DAB1: variants seen among roughly 807,000 people sequenced by gnomAD.
The protein encoded by DAB1 is DAB adaptor protein 1, also known as disabled homolog 1.
DAB1 carries 15 observed loss-of-function variants against 64.6 expected under a neutral mutation model. The observed-to-expected ratio is 0.23, with a 90% CI of 0.16 to 0.36. DAB1 has a LOEUF of 0.36. DAB1 is among the 10% of genes least tolerant of loss of function. The pLI, the probability that DAB1 is intolerant of heterozygous loss-of-function variation, is 1.00. For missense variants in DAB1, 596 were observed against 706.7 expected (o/e 0.84, Z 1.78); for synonymous variants, 235 against 251.9 (o/e 0.93, Z 0.64).
At chr1:57,084,373 C>T (rs536869063) in intron 4 of DAB1, among the ~76,000 whole-genome samples, 4 of 152,266 alleles carry the variant, frequency 2.6e-5, no homozygotes, top group Non-Finnish European at 5.9e-5. Flanking sequence ...GCACAGCCCT[C>T]AGAAAGAACA....
intron 5 of DAB1, among the ~76,000 whole-genome samples, chr1:58,025,681 ATATATG>A (rs1276519094): frequency 3.9e-4 from 54 of 140,152 alleles, no homozygotes; most frequent in African/African-American, 1.4e-3. Flanking sequence ...ATATATATAT[ATATATG>A]GCCTTTAATC....
chr1:57,666,698 T>A (rs1317576754), intron 6 of DAB1, among the ~76,000 whole-genome samples: 1 of 152,178 alleles, frequency 6.6e-6, no homozygotes, highest in East Asian at 1.9e-4. Context: ...GTCCAACCAC[T>A]TCTCACCATT....
chr1:58,473,936 TG>T, intron 3 of DAB1: 1 of 1,230,104 alleles, frequency 8.1e-7, no homozygotes, highest in Non-Finnish European at 1.1e-6. Context: ...CAATCTGTTC[TG>T]GCTGTTCAAT....
intron 6 of DAB1, among the ~76,000 whole-genome samples, chr1:57,735,403 TAC>T (rs1227371575): frequency 6.6e-6 from 1 of 152,198 alleles, no homozygotes; most frequent in African/African-American, 2.4e-5. Flanking sequence ...AATAATTGTA[TAC>T]ACCATTCATT....
rs557609260 is a variant in DAB1, at chr1:57,995,573, A to T, written n.388-111411T>A. On this transcript the variant is annotated intron_variant and non_coding_transcript_variant, in intron 5 of 20. Coordinates refer to the DAB1 transcript ENST00000485760. ...TTATTAATAAAATATTGCTGTCATT[A>T]ATCCTCAATAAATACAGTTAGAGTA... 2.6e-5 allele frequency among the ~76,000 whole-genome samples: 4 copies of T among 152,340 alleles called. No homozygotes were observed. The South Asian group carries it at 8.3e-4, about 32-fold the overall frequency.
intron 7 of DAB1, among the ~76,000 whole-genome samples, chr1:57,589,719 T>C (rs1281015604): frequency 6.6e-6 from 1 of 151,890 alleles, no homozygotes; most frequent in Non-Finnish European, 1.5e-5. Flanking sequence ...ATCATGACAC[T>C]GCACACCAGC....
At chr1:58,187,306 A>C (rs2100217878) in intron 4 of DAB1, among the ~76,000 whole-genome samples, 1 of 151,572 alleles carries the variant, frequency 6.6e-6, no homozygotes, top group South Asian at 2.1e-4. Flanking sequence ...AAAAAAAAAA[A>C]AAAGTAAAAA....
chr1:57,946,025 C>T (rs1159050936), intron 5 of DAB1, among the ~76,000 whole-genome samples: 1 of 152,194 alleles, frequency 6.6e-6, no homozygotes, highest in Non-Finnish European at 1.5e-5. Context: ...CAGGCTGCTA[C>T]TCCATTTCAC....
chr1:57,816,695 C>T (rs1261215110), intron 6 of DAB1, among the ~76,000 whole-genome samples: 1 of 152,134 alleles, frequency 6.6e-6, no homozygotes, highest in Non-Finnish European at 1.5e-5. Flanking sequence ...AAAATTTACC[C>T]TCACTTTTAT....
chr1:57,174,798 C>T (rs567951754), intron 2 of DAB1, among the ~76,000 whole-genome samples: 15 of 152,172 alleles, frequency 9.9e-5, no homozygotes, highest in African/African-American at 2.4e-4. Flanking sequence ...CTATGTTAGA[C>T]GCTTACTAAG....
intron 2 of DAB1, among the ~76,000 whole-genome samples, chr1:58,519,820 G>C (rs1646233124): frequency 6.6e-6 from 1 of 152,096 alleles, no homozygotes; most frequent in African/African-American, 2.4e-5. Context: ...TTTCACCAGA[G>C]AAGTGAAATT....
At chr1:57,909,416 C>A (rs72666155) in intron 5 of DAB1, among the ~76,000 whole-genome samples, 2 of 152,240 alleles carry the variant, frequency 1.3e-5, no homozygotes, top group Non-Finnish European at 2.9e-5. Flanking sequence ...AATTTTATAG[C>A]AGATTTCTGT....
At chr1:57,712,761 T>G (rs1283829819) in intron 6 of DAB1, among the ~76,000 whole-genome samples, 1 of 152,184 alleles carries the variant, frequency 6.6e-6, no homozygotes, top group Non-Finnish European at 1.5e-5. Context: ...AACATTCATT[T>G]TACAGATACA....
At chr1:57,268,797 T>A (rs1670774024) in intron 2 of DAB1, among the ~76,000 whole-genome samples, 1 of 152,214 alleles carries the variant, frequency 6.6e-6, no homozygotes, top group African/African-American at 2.4e-5. Context: ...ACACAGATGA[T>A]CTGTCAAGGG....
At position 57,091,053 on chromosome 1, in the gene DAB1, T is replaced by C. The variant is rs202049437; in HGVS notation, c.307-18639A>G. Among the ~76,000 whole-genome samples the C allele has an allele frequency of 3.3e-5, 5 of 152,164 alleles. No homozygotes were observed. The East Asian group carries it at 9.7e-4, about 29-fold the overall frequency. On this transcript the variant is annotated intron_variant, in intron 4 of 14. Coordinates refer to ENST00000371236, the MANE Select transcript of DAB1 (RefSeq NM_001365792.1). ...CCCAAACTGCTATGCATTATAGCAG[T>C]TTCAAGCCAAGTTTTGCCTCTGCTT... is the stretch of plus-strand genomic sequence containing the variant.
intron 5 of DAB1, among the ~76,000 whole-genome samples, chr1:58,125,261 G>A (rs541408453): frequency 6.6e-6 from 1 of 152,176 alleles, no homozygotes; most frequent in East Asian, 1.9e-4. Context: ...TTTGTACAAT[G>A]TAAAAAACAT....
rs143885937 is a variant in DAB1, at chr1:57,678,761, G to GTTTT, written n.552-29100_552-29097dup. 3.8e-3 allele frequency among the ~76,000 whole-genome samples: 521 copies of GTTTT among 135,774 alleles called. 23 individuals carry two copies. Among genetic ancestry groups the GTTTT allele is most frequent in the South Asian group, 0.01 (43 of 4,126 alleles). 89.1% of individuals were successfully genotyped at this position (135,774 alleles called of 152,430 possible). On this transcript the variant is annotated intron_variant and non_coding_transcript_variant, in intron 6 of 20. Transcript: ENST00000485760. ...CTGGCATTCGTCCAGTGAGGCAACT[G>GTTTT]TTTTTTGTTTTTTTTTTCTTTGTTT...
intron 9 of DAB1, among the ~76,000 whole-genome samples, chr1:57,050,455 G>T (rs1004319089): frequency 3.9e-5 from 6 of 152,134 alleles, no homozygotes; most frequent in African/African-American, 1.2e-4. Context: ...TCCCATGGAG[G>T]CACCCTATGG....
chr1:57,715,177 C>T (rs149917805), intron 6 of DAB1, among the ~76,000 whole-genome samples: 4 of 152,226 alleles, frequency 2.6e-5, no homozygotes, highest in African/African-American at 9.6e-5. Context: ...AGGACAAAAA[C>T]CATATGATTA....
Sources: gnomAD v4.1 joint callset for allele counts (sites outside exome capture counted in the v4.1 genomes callset) on GRCh38, gnomAD v4.1.1 for gene constraint, MANE v1.5 for transcripts, NCBI Gene and HGNC (gene_info 2026-07-23, HGNC 2026-07-21) for gene names.